The following USP7 variants were observed in gnomAD, a reference collection of about 807,000 sequenced individuals.
The protein encoded by USP7 is ubiquitin specific peptidase 7, also known as ubiquitin C-terminal hydrolase 7.
In USP7, 9 loss-of-function variants were observed where a neutral mutation model predicts 162.9. That is an observed-to-expected ratio of 0.06 (90% CI 0.03 to 0.10). The LOEUF (loss-of-function observed/expected upper bound fraction) is 0.10, where lower values mean the gene tolerates loss of function less well. Ranked by LOEUF, USP7 falls within the 10% of genes least tolerant of loss-of-function variation. The pLI is 1.00. For synonymous variants in USP7, 562 were observed against 475.9 expected, an observed-to-expected ratio of 1.18 and a Z score of -2.35; for missense variants, 715 against 1,373.7, an observed-to-expected ratio of 0.52 and a Z score of 7.58.
At chr16:8,908,258 T>C in intron 12 of USP7, 83 bp downstream of exon 12, 3 of 1,134,222 alleles carry the variant, frequency 2.6e-6, no homozygotes, top group Non-Finnish European at 2.6e-6. Flanking sequence ...ACTGAAAATA[T>C]AAAGACTGAG....
intron 4 of USP7, among the ~76,000 whole-genome samples, 168 bp from the exon 5 acceptor site, chr16:8,920,615 T>C (rs1897633756): frequency 6.6e-6 from 1 of 152,204 alleles, no homozygotes; most frequent in Non-Finnish European, 1.5e-5. Context: ...CTTTTAACAG[T>C]GGTCTCACAA....
chr16:8,922,548 C>T (rs1897755319), intron 3 of USP7, among the ~76,000 whole-genome samples: 1 of 152,186 alleles, frequency 6.6e-6, no homozygotes, highest in South Asian at 2.1e-4. Context: ...GAACATGTTA[C>T]TGAGGGTTCC....
At chr16:8,904,338 G>A in intron 15 of USP7, 97 bp downstream of exon 15, 1 of 1,544,924 alleles carries the variant, frequency 6.5e-7, no homozygotes, top group Admixed American at 1.9e-5. Context: ...ATGGTGACCT[G>A]GGAGTCCCAG....
At chr16:8,901,361 G>T in intron 18 of USP7, 127 bp from the exon 19 acceptor site, 1 of 671,178 alleles carries the variant, frequency 1.5e-6, no homozygotes, top group Non-Finnish European at 2.5e-6. Context: ...AATGACAAGT[G>T]AAATGACAGC....
chr16:8,895,954 A>G (rs1223647185), intron 26 of USP7, among the ~76,000 whole-genome samples: 1 of 150,994 alleles, frequency 6.6e-6, no homozygotes, highest in East Asian at 1.9e-4. Flanking sequence ...CTCCCACCTC[A>G]GCCTCCCGAG....
intron 1 of USP7, among the ~76,000 whole-genome samples, chr16:8,957,496 T>G: frequency 6.6e-6 from 1 of 151,530 alleles, no homozygotes; most frequent in East Asian, 1.9e-4. Flanking sequence ...ATAATCCCAG[T>G]GCTTTGAGAG....
Position 8,895,633 on chromosome 16 carries a change from GA to G in USP7, c.2919+8del. On this transcript the variant is annotated splice_region_variant and intron_variant, in intron 27 of 30. Transcript: ENST00000344836. ...TCTCTCTGGTGCCAACAGTATCGGG[GA>G]CAGATACCTCTATTCGAAACGTCCG... is the stretch of plus-strand genomic sequence containing the variant. 1 of 1,607,228 alleles carries G rather than the reference GA, an allele frequency of 6.2e-7. No individual in the cohort carries two copies.
chr16:8,941,058 T>C (rs1362283169), intron 1 of USP7, among the ~76,000 whole-genome samples: 1 of 152,162 alleles, frequency 6.6e-6, no homozygotes, highest in Non-Finnish European at 1.5e-5. Context: ...GATTGGAAAG[T>C]GGTAGGTGCT....
chr16:8,936,697 G>C (rs768025385), intron 1 of USP7: 3 of 1,479,910 alleles, frequency 2.0e-6, no homozygotes, highest in Non-Finnish European at 2.7e-6. Context: ...AGAATCTCTA[G>C]GAGCTCTACC....
intron 9 of USP7, 41 bp from the exon 10 acceptor site, chr16:8,915,385 T>C: frequency 6.2e-7 from 1 of 1,612,784 alleles, no homozygotes; most frequent in Non-Finnish European, 8.5e-7. Flanking sequence ...CTAGTAATAG[T>C]CAAAAAATTC....
chr16:8,945,350 C>G (rs2141254407), intron 1 of USP7, among the ~76,000 whole-genome samples: 1 of 152,328 alleles, frequency 6.6e-6, no homozygotes, highest in Non-Finnish European at 1.5e-5. Flanking sequence ...TGCCACTGTA[C>G]TCCAGCTTGG....
intron 1 of USP7, among the ~76,000 whole-genome samples, chr16:8,945,831 G>A (rs1214826258): frequency 2.6e-5 from 4 of 151,912 alleles, no homozygotes; most frequent in Non-Finnish European, 5.9e-5. Context: ...CAAGAAGACT[G>A]CTTGAGGCCA....
Position 8,900,344 on chromosome 16 carries a change from T to G in USP7, c.2309+186A>C, listed in dbSNP as rs56907972. Among the ~76,000 whole-genome samples the G allele has an allele frequency of 4.7e-3, 721 of 152,278 alleles. 9 individuals are homozygous for G. Among genetic ancestry groups the G allele is most frequent in the African/African-American group, 0.017 (692 of 41,542 alleles). Reference sequence around the variant, plus strand: ...GAATTTTTAAGAAATTGAGAAGAGCTTTATGAGATGAAAATGTTCACCACA... The same window carrying G: ...GAATTTTTAAGAAATTGAGAAGAGCGTTATGAGATGAAAATGTTCACCACA... On this transcript the variant is annotated intron_variant, in intron 21 of 30. Coordinates refer to ENST00000344836, the MANE Select transcript of USP7 (RefSeq NM_003470.3).
At chr16:8,918,217 G>A (rs1897486027) in intron 6 of USP7, among the ~76,000 whole-genome samples, 1 of 152,296 alleles carries the variant, frequency 6.6e-6, no homozygotes, top group South Asian at 2.1e-4. Context: ...CTGGGTGGCT[G>A]TGCAAACATG....
rs530192274 is a variant in USP7, at chr16:8,929,306, G to A, written c.184+987C>T. 1.2e-3 allele frequency: 426 copies of A among 353,148 alleles called. 3 individuals are homozygous for A. The highest frequency in any genetic ancestry group is 8.6e-3 in the African/African-American group (401 of 46,498). 21.9% of individuals were successfully genotyped at this position (353,148 alleles called of 1,614,324 possible). A position where few individuals can be genotyped will look rare whatever the true frequency, so the allele number is the denominator to read the frequency against. On this transcript the variant is annotated intron_variant, in intron 2 of 30. Transcript: ENST00000344836. ...AGACCACACCCACACCATTGCCCTCGTCTACGGTGGAAAGCGCACTCCACA... is the reference window on the plus strand; with the variant it reads ...AGACCACACCCACACCATTGCCCTCATCTACGGTGGAAAGCGCACTCCACA...
At position 8,898,522 on chromosome 16, in the gene USP7, G is replaced by T; in HGVS notation, c.2640+9C>A. 6.2e-7 allele frequency: 1 copy of T among 1,607,936 alleles called. No homozygotes were observed. The highest frequency in any genetic ancestry group is 8.5e-7 in the Non-Finnish European group (1 of 1,177,598). ...TATGACCCATAGTTACATTAATTTGGACTCATACCTGCTGATAGTAAAGTT... is the reference window on the plus strand; with the variant it reads ...TATGACCCATAGTTACATTAATTTGTACTCATACCTGCTGATAGTAAAGTT... On this transcript the variant is annotated intron_variant, in intron 24 of 30. Transcript: ENST00000344836.
At chr16:8,940,109 G>A (rs1898966873) in intron 1 of USP7, among the ~76,000 whole-genome samples, 1 of 151,458 alleles carries the variant, frequency 6.6e-6, no homozygotes, top group Non-Finnish European at 1.5e-5. Flanking sequence ...AAAAAAAAAA[G>A]GCTGTTTCCA....
chr16:8,939,689 A>T (rs1220729344), intron 1 of USP7, among the ~76,000 whole-genome samples: 1 of 152,222 alleles, frequency 6.6e-6, no homozygotes, highest in Non-Finnish European at 1.5e-5. Flanking sequence ...TGTACATATC[A>T]TGTACATTGC....
rs143171655 is a variant in USP7 at position 8,910,043 on chromosome 16, G to T, written c.1161+702C>A. Reference sequence around the variant, plus strand: ...TACAAAATGGGTACACAGGCACCATGAACTATATACACTGGCAGGCTTTGT... The same window carrying T: ...TACAAAATGGGTACACAGGCACCATTAACTATATACACTGGCAGGCTTTGT... On this transcript the variant is annotated intron_variant, in intron 11 of 30. Coordinates refer to ENST00000344836, the MANE Select transcript of USP7 (RefSeq NM_003470.3). 3.0e-3 allele frequency among the ~76,000 whole-genome samples: 454 copies of T among 152,310 alleles called. 3 individuals are homozygous for T. Among genetic ancestry groups the T allele is most frequent in the African/African-American group, 0.01 (423 of 41,564 alleles).
Sources: allele counts gnomAD v4.1 joint callset (sites outside exome capture counted in the v4.1 genomes callset), GRCh38; gene constraint gnomAD v4.1.1; transcripts MANE v1.5; gene names NCBI Gene and HGNC (gene_info 2026-07-23, HGNC 2026-07-21).